Variants in LPIN1 observed in about 807,000 individuals in gnomAD.
The protein encoded by LPIN1 is phosphatidate phosphatase LPIN1.
LPIN1 carries 71 observed loss-of-function variants against 107.5 expected under a neutral mutation model. The ratio of observed to expected loss-of-function variants is 0.66; its 90% confidence interval spans 0.55 to 0.80. The LOEUF (loss-of-function observed/expected upper bound fraction) is 0.80. Among genes scored for constraint, LPIN1 ranks in the 30% least tolerant of loss-of-function variants. LPIN1 has a pLI of 0.00. For synonymous variants in LPIN1, 445 were observed against 452.6 expected (o/e 0.98, Z 0.21); for missense variants, 1,043 against 1,160.6 (o/e 0.90, Z 1.47).
At chr2:11,770,311 C>T (rs1464983908) in intron 3 of LPIN1, among the ~76,000 whole-genome samples, 2 of 152,148 alleles carry the variant, frequency 1.3e-5, no homozygotes, top group Admixed American at 6.6e-5. Flanking sequence ...CAGCTCCATA[C>T]AGATGCCTCT....
At chr2:11,684,055 AT>A (rs1387664258) in intron 1 of LPIN1, among the ~76,000 whole-genome samples, 3 of 152,250 alleles carry the variant, frequency 2.0e-5, no homozygotes, top group Non-Finnish European at 4.4e-5. Context: ...CAAAGTATCC[AT>A]TTAGTGAAAA....
At chr2:11,694,180 T>C (rs1662455148) in intron 1 of LPIN1, among the ~76,000 whole-genome samples, 1 of 151,986 alleles carries the variant, frequency 6.6e-6, no homozygotes, top group South Asian at 2.1e-4. Context: ...TGCCTAGCAT[T>C]GCATGAATTA....
At chr2:11,733,552 C>T (rs1039191517) in intron 1 of LPIN1, among the ~76,000 whole-genome samples, 3 of 150,394 alleles carry the variant, frequency 2.0e-5, no homozygotes, top group South Asian at 2.1e-4. Flanking sequence ...AGTGCAGTGG[C>T]GTGATCTCAG....
At chr2:11,699,944 A>G (rs891727324) in intron 1 of LPIN1, among the ~76,000 whole-genome samples, 3 of 152,230 alleles carry the variant, frequency 2.0e-5, no homozygotes, top group Non-Finnish European at 4.4e-5. Context: ...CAATTAAAAA[A>G]AAAATGGGAT....
At chr2:11,732,149 T>C (rs1665299510) in intron 1 of LPIN1, among the ~76,000 whole-genome samples, 1 of 152,222 alleles carries the variant, frequency 6.6e-6, no homozygotes, top group African/African-American at 2.4e-5. Context: ...ATGATGAGTT[T>C]ATGTAATATC....
intron 1 of LPIN1, among the ~76,000 whole-genome samples, chr2:11,703,800 C>T (rs184254679): frequency 1.9e-3 from 288 of 152,352 alleles, no homozygotes; most frequent in African/African-American, 6.6e-3. Context: ...AACAAACTGA[C>T]TCAAGATTTA....
At chr2:11,712,171 C>CA (rs1380399293) in intron 1 of LPIN1, among the ~76,000 whole-genome samples, 4 of 152,220 alleles carry the variant, frequency 2.6e-5, no homozygotes, top group Non-Finnish European at 5.9e-5. Context: ...TGCATGTGCT[C>CA]AACTACTCTG....
chr2:11,693,816 ATATATATTTTTTTTTTTTTTT>A (rs1420003031), intron 1 of LPIN1, among the ~76,000 whole-genome samples: 1 of 29,480 alleles, frequency 3.4e-5, no homozygotes, highest in East Asian at 1.2e-3. Context: ...ATATATATAT[ATATATATTTTTTTTTTTTTTT>A]TTTTTTTTTT....
intron 20 of LPIN1, 117 bp from the exon 21 acceptor site, chr2:11,824,515 G>T (rs1682094292): frequency 1.1e-6 from 1 of 929,792 alleles, no homozygotes; most frequent in Admixed American, 1.8e-5. Flanking sequence ...CTTGAGTCGT[G>T]TCGATAAGTA....
At chr2:11,699,874 C>A (rs943588498) in intron 1 of LPIN1, among the ~76,000 whole-genome samples, 2 of 152,044 alleles carry the variant, frequency 1.3e-5, no homozygotes. Flanking sequence ...GTTGGCTGGA[C>A]AAACGGTAAG....
intron 10 of LPIN1, 30 bp downstream of exon 10, chr2:11,785,106 G>A: frequency 6.6e-7 from 1 of 1,503,830 alleles, no homozygotes; most frequent in Non-Finnish European, 8.9e-7. Context: ...GGCGCCCTCT[G>A]GTGGCCGCCG....
At chr2:11,791,649 T>C in intron 12 of LPIN1, 2 of 1,290,626 alleles carry the variant, frequency 1.5e-6, no homozygotes, top group South Asian at 2.7e-5. Context: ...CTTTTTTTGT[T>C]GTTGTTGTTG....
chr2:11,766,382 A>G (rs556753800), intron 2 of LPIN1, among the ~76,000 whole-genome samples: 1 of 152,186 alleles, frequency 6.6e-6, no homozygotes, highest in African/African-American at 2.4e-5. Context: ...AAATTTGGAG[A>G]GGAGAACTAG....
chr2:11,769,046 T>G (rs1490192489), intron 3 of LPIN1, among the ~76,000 whole-genome samples: 1 of 152,264 alleles, frequency 6.6e-6, no homozygotes, highest in Non-Finnish European at 1.5e-5. Context: ...TACAAGTTTT[T>G]GTGTGGACAC....
intron 2 of LPIN1, chr2:11,713,961 GC>G: frequency 1.8e-6 from 1 of 550,188 alleles, no homozygotes; most frequent in Admixed American, 3.2e-5. Flanking sequence ...TTCAGAGATT[GC>G]CCGCAGCACT....
In LPIN1 at chr2:11,732,227, T is replaced by G. The variant is rs1040147996; in HGVS notation, c.-72+7688T>G. ...GTTATTTTGTTGTTGTTGGAGGTGG[T>G]GGTCGTGTGTATCATTAATACTATT... On this transcript the variant is annotated intron_variant, in intron 1 of 21. Transcript: ENST00000396097. Among the ~76,000 whole-genome samples, 29 of 152,350 alleles carry G rather than the reference T, an allele frequency of 1.9e-4. 1 individual carries two copies. Among genetic ancestry groups the G allele is most frequent in the African/African-American group, 6.7e-4 (28 of 41,578 alleles).
intron 1 of LPIN1, among the ~76,000 whole-genome samples, chr2:11,753,625 C>T (rs1248580791): frequency 6.6e-6 from 1 of 152,200 alleles, no homozygotes; most frequent in East Asian, 1.9e-4. Flanking sequence ...TGTTCCTTTC[C>T]CTGTATCACC....
At chr2:11,753,011 C>T (rs1314202898) in intron 1 of LPIN1, among the ~76,000 whole-genome samples, 3 of 152,118 alleles carry the variant, frequency 2.0e-5, no homozygotes, top group African/African-American at 4.8e-5. Context: ...AAATTGCGGT[C>T]GTGAATGCTT....
chr2:11,690,436 G>A (rs1009323164), intron 1 of LPIN1, among the ~76,000 whole-genome samples: 1 of 152,146 alleles, frequency 6.6e-6, no homozygotes, highest in Non-Finnish European at 1.5e-5. Flanking sequence ...GTAATGTGTA[G>A]GTGTAGATTT....
Sources: allele counts gnomAD v4.1 joint callset (sites outside exome capture counted in the v4.1 genomes callset), GRCh38; gene constraint gnomAD v4.1.1; transcripts MANE v1.5; gene names NCBI Gene and HGNC (gene_info 2026-07-23, HGNC 2026-07-21).